Variants in CAMTA1 observed in about 807,000 individuals in gnomAD.
The protein encoded by CAMTA1 is calmodulin binding transcription activator 1, also known as calmodulin-binding transcription activator 1.
In CAMTA1, 27 loss-of-function variants were observed where a neutral mutation model predicts 170.9. The observed-to-expected ratio is 0.16, with a 90% confidence interval of 0.12 to 0.22. The LOEUF (loss-of-function observed/expected upper bound fraction) is 0.22. Among genes scored for constraint, CAMTA1 ranks in the 10% least tolerant of loss-of-function variants. The probability of loss-of-function intolerance (pLI) is 1.00; values close to 1 mark genes in which losing one functional copy is unlikely to be tolerated. For synonymous variants in CAMTA1, 833 were observed against 891.5 expected, an observed-to-expected ratio of 0.93 and a Z score of 1.17; for missense variants, 1,619 against 2,217.2, an observed-to-expected ratio of 0.73 and a Z score of 5.42.
At chr1:7,073,048 G>A (rs999174513) in intron 3 of CAMTA1, among the ~76,000 whole-genome samples, 7 of 152,234 alleles carry the variant, frequency 4.6e-5, no homozygotes, top group Non-Finnish European at 8.8e-5. Flanking sequence ...GATGGGAGGA[G>A]GTGCTGGTAG....
intron 4 of CAMTA1, among the ~76,000 whole-genome samples, chr1:7,213,920 C>T (rs552439255): frequency 3.9e-5 from 6 of 152,232 alleles, no homozygotes; most frequent in Admixed American, 3.9e-4. Context: ...CATCCATGTC[C>T]CTACAAAGGA....
chr1:7,261,233 G>A (rs560220140), intron 5 of CAMTA1, among the ~76,000 whole-genome samples: 123 of 152,250 alleles, frequency 8.1e-4, no homozygotes, highest in African/African-American at 2.8e-3. Flanking sequence ...TCCTTTGTGC[G>A]TCGAGGATGC....
Position 7,300,786 on chromosome 1 carries a change from C to T in CAMTA1, c.438+51160C>T, listed in dbSNP as rs1474076270. On this transcript the variant is annotated intron_variant, in intron 5 of 22. Coordinates refer to ENST00000303635, the MANE Select transcript of CAMTA1 (RefSeq NM_015215.4). The surrounding 1 kb of genome is among the most constrained non-coding windows in gnomAD (Gnocchi z 4.1). ...TCGTGTTGTCCGTTGGTGACATTTG[C>T]AAACTCTCCTGGTTTAAAGTGATTC... Among the ~76,000 whole-genome samples, 1 of 152,154 alleles carries T rather than the reference C, an allele frequency of 6.6e-6. No individual in the cohort carries two copies. The highest frequency in any genetic ancestry group is 1.5e-5 in the Non-Finnish European group (1 of 68,030).
chr1:7,560,757 C>T (rs559241040), intron 6 of CAMTA1, among the ~76,000 whole-genome samples: 1 of 152,126 alleles, frequency 6.6e-6, no homozygotes, highest in South Asian at 2.1e-4. Context: ...CCTAGGACTG[C>T]TTTGGTGCCA....
chr1:6,952,087 T>C (rs999567720), intron 3 of CAMTA1, among the ~76,000 whole-genome samples: 10 of 152,274 alleles, frequency 6.6e-5, no homozygotes, highest in African/African-American at 2.4e-4. Flanking sequence ...GTGACAGTTG[T>C]GTAGAGAAGG....
At chr1:7,730,119 C>A (rs1447731889) in intron 11 of CAMTA1, among the ~76,000 whole-genome samples, 4 of 152,224 alleles carry the variant, frequency 2.6e-5, no homozygotes, top group African/African-American at 9.7e-5. Context: ...TGAGCACTTA[C>A]ATAGATTAAC....
At chr1:7,013,079 C>T (rs996777172) in intron 3 of CAMTA1, among the ~76,000 whole-genome samples, 1 of 152,152 alleles carries the variant, frequency 6.6e-6, no homozygotes, top group South Asian at 2.1e-4. Context: ...TTCAACAAAC[C>T]CTGTGGCCGT....
chr1:6,888,275 A>G lies in CAMTA1; in HGVS notation c.234+63065A>G, dbSNP rs1673754965. 6 of 984,302 alleles carry G rather than the reference A, an allele frequency of 6.1e-6. No individual in the cohort carries two copies. In the South Asian group the frequency reaches 2.8e-4, roughly 46 times the overall value. 61.0% of individuals were successfully genotyped at this position (984,302 alleles called of 1,614,324 possible). A position where few individuals can be genotyped will look rare whatever the true frequency, so the allele number is the denominator to read the frequency against. ...TTGCCATTTATAAATACCTTTTCCA[A>G]TGATAAAGCAGTGAAAGTTTGGAAA... is the stretch of plus-strand genomic sequence containing the variant. On this transcript the variant is annotated intron_variant, in intron 3 of 22. Transcript: ENST00000303635.
chr1:6,859,133 A>G (rs1023202919), intron 3 of CAMTA1, among the ~76,000 whole-genome samples: 1 of 152,226 alleles, frequency 6.6e-6, no homozygotes, highest in South Asian at 2.1e-4. Flanking sequence ...ATCCTAGGAG[A>G]TAACCATTGT....
In CAMTA1 at chr1:7,718,878, CATT is replaced by C. The variant is rs201333106; in HGVS notation, c.2915-13568_2915-13566del. 9.9e-3 allele frequency among the ~76,000 whole-genome samples: 1,223 copies of C among 123,932 alleles called. 17 individuals are homozygous for C. Among genetic ancestry groups the C allele is most frequent in the African/African-American group, 0.033 (1,148 of 34,854 alleles). The allele number at this position is 123,932 out of a possible 152,430, so 81.3% of individuals were successfully genotyped here. A position where few individuals can be genotyped will look rare whatever the true frequency, so the allele number is the denominator to read the frequency against. On this transcript the variant is annotated intron_variant, in intron 11 of 22. Coordinates refer to ENST00000303635, the MANE Select transcript of CAMTA1 (RefSeq NM_015215.4). ...CTTTTTTTTTTTTTTTTAAAGACCTCATTAGTCTTAGGAGTAATACGCTTTCTC... is the reference window on the plus strand; with the variant it reads ...CTTTTTTTTTTTTTTTTAAAGACCTCAGTCTTAGGAGTAATACGCTTTCTC...
intron 11 of CAMTA1, among the ~76,000 whole-genome samples, chr1:7,731,709 A>G (rs965138284): frequency 2.6e-4 from 39 of 152,224 alleles, no homozygotes; most frequent in African/African-American, 7.7e-4. Context: ...TCTCTACAAA[A>G]CAAAAACAAA....
At chr1:7,557,309 A>G (rs1389034369) in intron 6 of CAMTA1, among the ~76,000 whole-genome samples, 7 of 113,282 alleles carry the variant, frequency 6.2e-5, no homozygotes, top group East Asian at 6.5e-4. Flanking sequence ...CTCCGTTCAG[A>G]AAAAAAAAAA....
chr1:7,572,550 C>A (rs1335861998), intron 6 of CAMTA1, among the ~76,000 whole-genome samples: 1 of 152,174 alleles, frequency 6.6e-6, no homozygotes, highest in African/African-American at 2.4e-5. Context: ...TTTCAGTCTT[C>A]TATATATGGC....
At chr1:6,796,271 G>A (rs747414859) in intron 1 of CAMTA1, among the ~76,000 whole-genome samples, 4 of 150,786 alleles carry the variant, frequency 2.7e-5, no homozygotes, top group Non-Finnish European at 5.9e-5. Flanking sequence ...ACAAGTAGCT[G>A]GGACTACAGG....
At chr1:7,445,245 T>G (rs2092650726) in intron 5 of CAMTA1, among the ~76,000 whole-genome samples, 1 of 146,662 alleles carries the variant, frequency 6.8e-6, no homozygotes, top group Non-Finnish European at 1.5e-5. Context: ...GGCCCCAGAG[T>G]ACAAGGGAAA....
At chr1:6,955,764 G>A (rs1689347223) in intron 3 of CAMTA1, among the ~76,000 whole-genome samples, 1 of 152,162 alleles carries the variant, frequency 6.6e-6, no homozygotes, top group African/African-American at 2.4e-5. Context: ...GGGGCATTTT[G>A]TTGCTTGTGG....
intron 11 of CAMTA1, among the ~76,000 whole-genome samples, chr1:7,704,487 C>T (rs1052105033): frequency 6.5e-4 from 95 of 146,328 alleles, no homozygotes; most frequent in African/African-American, 2.3e-3. Flanking sequence ...CGGGGACGCC[C>T]GGGCCGCGCT....
intron 3 of CAMTA1, among the ~76,000 whole-genome samples, chr1:7,045,233 C>T (rs983189126): frequency 2.6e-5 from 4 of 152,124 alleles, no homozygotes; most frequent in Non-Finnish European, 5.9e-5. Context: ...GGTCACCCAG[C>T]GAAAGGTGGC....
At position 7,640,412 on chromosome 1, in the gene CAMTA1, G is replaced by A. The variant is rs1468781126; in HGVS notation, c.523G>A (p.Val175Ile). 5 of 1,614,078 alleles carry A rather than the reference G, an allele frequency of 3.1e-6. No homozygotes were observed. The highest frequency in any genetic ancestry group is 4.2e-6 in the Non-Finnish European group (5 of 1,180,004). ...GCTCTCCCCACAGAACCCCGACATC[G>A]TCCTGGTGCACTACCTGAACGTGCC... Reference protein sequence around the residue: ...CYWLLQNPDIVLVHYLNVPAI... With the variant: ...CYWLLQNPDIILVHYLNVPAI... The change falls in exon 7 of 23, where the codon GTC (valine) becomes ATC (isoleucine). Residue 175 changes from valine (V) to isoleucine (I), a missense_variant. Transcript: ENST00000303635.
Sources: allele counts gnomAD v4.1 joint callset (sites outside exome capture counted in the v4.1 genomes callset), GRCh38; gene constraint gnomAD v4.1.1; non-coding constraint Gnocchi (gnomAD v3.1); transcripts MANE v1.5; gene names NCBI Gene and HGNC (gene_info 2026-07-23, HGNC 2026-07-21).